The following CELF2 variants were observed in gnomAD, a reference collection of about 807,000 sequenced individuals.
CELF2 encodes the protein CUG triplet repeat RNA-binding protein 2.
In CELF2, 8 loss-of-function variants were observed where a neutral mutation model predicts 62.6. That is an observed-to-expected ratio of 0.13 (90% CI 0.07 to 0.23). CELF2 has a LOEUF of 0.23. Ranked by LOEUF, CELF2 falls within the 10% of genes least tolerant of loss-of-function variation. The probability of loss-of-function intolerance (pLI) is 1.00; values close to 1 mark genes in which losing one functional copy is unlikely to be tolerated. For missense variants in CELF2, 333 were observed against 671.0 expected, an observed-to-expected ratio of 0.50 and a Z score of 5.56; for synonymous variants, 258 against 250.0, an observed-to-expected ratio of 1.03 and a Z score of -0.30.
rs907484160 is a variant in CELF2 at position 11,324,873 on chromosome 10, G to A, written c.1295-963G>A. ...AAGGCCAGTTGAGGATTCCTGACCC[G>A]CTGCAGAAGTCGCCTCACCAGTTCT... On this transcript the variant is annotated intron_variant, in intron 11 of 12. Coordinates refer to ENST00000633077, the MANE Select transcript of CELF2 (RefSeq NM_001326342.2). The surrounding 1 kb of genome is among the most constrained non-coding windows in gnomAD (Gnocchi z 4.7). Among the ~76,000 whole-genome samples the A allele has an allele frequency of 5.3e-5, 8 of 152,160 alleles. No homozygotes were observed. Among genetic ancestry groups the A allele is most frequent in the East Asian group, 1.9e-4 (1 of 5,200 alleles).
intron 1 of CELF2, among the ~76,000 whole-genome samples, chr10:11,028,965 T>C (rs2138700286): frequency 6.6e-6 from 1 of 152,280 alleles, no homozygotes; most frequent in East Asian, 1.9e-4. Flanking sequence ...GAGTCCACCT[T>C]GGCCTTCCAA....
intron 1 of CELF2, among the ~76,000 whole-genome samples, chr10:10,882,760 T>A (rs2061513964): frequency 6.6e-6 from 1 of 152,234 alleles, no homozygotes; most frequent in South Asian, 2.1e-4. Flanking sequence ...TTTATTATTT[T>A]ACTCCTATTA....
rs373248448 is a variant in CELF2 at position 10,823,277 on chromosome 10, T to C, written c.53+24460T>C. On this transcript the variant is annotated intron_variant, in intron 1 of 13. Coordinates refer to the CELF2 transcript ENST00000636488. ...CTGTAGTTGAATATCACATATTAAT[T>C]AAGTAAAAATTCCGTATCTGAACAT... 2.2e-4 allele frequency among the ~76,000 whole-genome samples: 34 copies of C among 152,320 alleles called. No individual in the cohort carries two copies. The East Asian group carries it at 3.9e-3, about 17-fold the overall frequency.
At chr10:10,827,948 T>C (rs954485175) in intron 1 of CELF2, among the ~76,000 whole-genome samples, 5 of 112,136 alleles carry the variant, frequency 4.5e-5, no homozygotes, top group Non-Finnish European at 8.8e-5. Context: ...CATAAATGAA[T>C]GCAAATCAAA....
intron 1 of CELF2, among the ~76,000 whole-genome samples, chr10:10,890,597 C>T (rs1185510330): frequency 6.6e-6 from 1 of 152,212 alleles, no homozygotes; most frequent in Non-Finnish European, 1.5e-5. Context: ...GCACTAAGCA[C>T]CTCTCTGCCT....
intron 1 of CELF2, among the ~76,000 whole-genome samples, chr10:10,895,728 G>T (rs1207808087): frequency 6.6e-6 from 1 of 151,996 alleles, no homozygotes; most frequent in Non-Finnish European, 1.5e-5. Flanking sequence ...AAAAACATGG[G>T]CAAAATATAT....
intron 2 of CELF2, among the ~76,000 whole-genome samples, chr10:10,963,661 T>C (rs1319446635): frequency 6.6e-6 from 1 of 152,198 alleles, no homozygotes; most frequent in East Asian, 1.9e-4. Flanking sequence ...ATATTTGATA[T>C]ATATAAAATG....
Position 10,905,284 on chromosome 10 carries a change from T to A in CELF2, c.54-14680T>A, listed in dbSNP as rs369807667. On this transcript the variant is annotated intron_variant, in intron 1 of 13. Transcript: ENST00000636488. ...TCAGTATTTTGAATATTGAGAGTAT[T>A]TTTAGTAACAGCAATTTTTCAGTAT... Among the ~76,000 whole-genome samples the A allele has an allele frequency of 4.7e-4, 72 of 152,342 alleles. 1 individual carries two copies. In the South Asian group the frequency reaches 0.013, roughly 28 times the overall value.
At position 11,012,765 on chromosome 10, in the gene CELF2, G is replaced by A. The variant is rs1308946649; in HGVS notation, c.53+7325G>A. ...TGGGAAGGAATGAAAACCTCATTCT[G>A]ATAAGTGTAAATTTTGTTCCTGCCG... is the stretch of plus-strand genomic sequence containing the variant. On this transcript the variant is annotated intron_variant, in intron 1 of 12. Coordinates refer to the CELF2 transcript ENST00000416382. The surrounding 1 kb of genome is among the most constrained non-coding windows in gnomAD (Gnocchi z 5.5). 6.6e-6 allele frequency among the ~76,000 whole-genome samples: 1 copy of A among 152,212 alleles called. No homozygotes were observed. Among genetic ancestry groups the A allele is most frequent in the East Asian group, 1.9e-4 (1 of 5,200 alleles).
chr10:10,888,783 C>A (rs1032257491), intron 1 of CELF2, among the ~76,000 whole-genome samples: 1 of 152,192 alleles, frequency 6.6e-6, no homozygotes, highest in Non-Finnish European at 1.5e-5. Context: ...TACCATCTCT[C>A]GCCAAAATTA....
In CELF2 at chr10:11,297,589, G is replaced by C. The variant is rs531216664; in HGVS notation, c.976+9037G>C. ...GGAGTGGGTTCTCCCCAGACTGGCTGCTTCACTGCAGTGGTTGACAGTTTT... is the reference window on the plus strand; with the variant it reads ...GGAGTGGGTTCTCCCCAGACTGGCTCCTTCACTGCAGTGGTTGACAGTTTT... On this transcript the variant is annotated intron_variant, in intron 9 of 12. Coordinates refer to ENST00000633077, the MANE Select transcript of CELF2 (RefSeq NM_001326342.2). This position sits in a 1 kb window ranked among gnomAD's most constrained non-coding sequence, Gnocchi z 4.4. Among the ~76,000 whole-genome samples the C allele has an allele frequency of 2.6e-5, 4 of 152,302 alleles. No homozygotes were observed. In the South Asian group the frequency reaches 8.3e-4, roughly 32 times the overall value.
At chr10:11,284,723 TAATG>T (rs1004926207) in intron 8 of CELF2, among the ~76,000 whole-genome samples, 25 of 145,944 alleles carry the variant, frequency 1.7e-4, no homozygotes, top group African/African-American at 5.7e-4. Context: ...GGTGAGAGGA[TAATG>T]GATGGATGGG....
At chr10:11,175,610 C>T (rs537847690) in intron 2 of CELF2, among the ~76,000 whole-genome samples, 7 of 152,278 alleles carry the variant, frequency 4.6e-5, no homozygotes, top group African/African-American at 1.7e-4. Flanking sequence ...GCAGCTCACC[C>T]AGCAGTCCCC....
At chr10:11,263,147 T>C (rs570874021) in intron 5 of CELF2, among the ~76,000 whole-genome samples, 2 of 151,998 alleles carry the variant, frequency 1.3e-5, no homozygotes, top group Non-Finnish European at 2.9e-5. Flanking sequence ...GAAATTACTT[T>C]CAGAAACCTT....
In CELF2 at chr10:10,990,095, T is replaced by C. The variant is rs201104; in HGVS notation, c.89+70096T>C. ...CTGAAGAAAATCAGAATTACCCACA[T>C]ACATTCACAAGAATTTTCATCTCAA... is the stretch of plus-strand genomic sequence containing the variant. On this transcript the variant is annotated intron_variant, in intron 2 of 13. Transcript: ENST00000636488. This position sits in a 1 kb window ranked among gnomAD's most constrained non-coding sequence, Gnocchi z 4.6. 0.93 allele frequency among the ~76,000 whole-genome samples: 141,109 copies of C among 152,238 alleles called. 65,548 individuals are homozygous for C. Among genetic ancestry groups the C allele is most frequent in the East Asian group, 1 (5,186 of 5,188 alleles).
At chr10:10,735,053 G>A in the CELF2 span, among the ~76,000 whole-genome samples, 5 of 152,158 alleles carry the variant, frequency 3.3e-5, no homozygotes, top group Non-Finnish European at 7.3e-5. Context: ...CATCTTCTGA[G>A]TTTCCTTCTC....
chr10:10,718,983 CTCTTT>C, the CELF2 span, among the ~76,000 whole-genome samples: 1 of 142,616 alleles, frequency 7.0e-6, no homozygotes, highest in Admixed American at 7.1e-5. Flanking sequence ...CTTTATTATT[CTCTTT>C]TTTTTTTTTT....
chr10:10,560,188 G>A, the CELF2 span, among the ~76,000 whole-genome samples: 2 of 152,138 alleles, frequency 1.3e-5, no homozygotes, highest in Non-Finnish European at 2.9e-5. Context: ...AAGAGAACTT[G>A]ACTCTGAATT....
chr10:11,278,897 G>A (rs147877622), intron 8 of CELF2, among the ~76,000 whole-genome samples: 1 of 152,306 alleles, frequency 6.6e-6, no homozygotes, highest in East Asian at 1.9e-4. Flanking sequence ...TTGTCCAAAG[G>A]CACTAAGCTA....
Sources: gnomAD v4.1 joint callset for allele counts (sites outside exome capture counted in the v4.1 genomes callset) on GRCh38, gnomAD v4.1.1 for gene constraint, Gnocchi (gnomAD v3.1) non-coding constraint, MANE v1.5 for transcripts, NCBI Gene and HGNC (gene_info 2026-07-23, HGNC 2026-07-21) for gene names.